The following DSCAM variants were observed in gnomAD, a reference collection of about 807,000 sequenced individuals.
DSCAM encodes the protein DS cell adhesion molecule.
DSCAM carries 47 observed loss-of-function variants against 217.7 expected under a neutral mutation model. The ratio of observed to expected loss-of-function variants is 0.22; its 90% CI spans 0.17 to 0.28. The LOEUF (loss-of-function observed/expected upper bound fraction) is 0.28. DSCAM is among the 10% of genes least tolerant of loss of function. The pLI is 1.00. For synonymous variants in DSCAM, 1,056 were observed against 1,015.3 expected, an observed-to-expected ratio of 1.04 and a Z score of -0.76; for missense variants, 2,080 against 2,618.3, an observed-to-expected ratio of 0.79 and a Z score of 4.49.
chr21:40,366,943 C>G, intron 4 of DSCAM, among the ~76,000 whole-genome samples: 1 of 152,160 alleles, frequency 6.6e-6, no homozygotes, highest in East Asian at 1.9e-4. Flanking sequence ...CTAGGGCCTC[C>G]CCTGGTTCCC....
chr21:40,540,857 G>A (rs1055665070), intron 3 of DSCAM, among the ~76,000 whole-genome samples: 4 of 151,960 alleles, frequency 2.6e-5, no homozygotes, highest in Admixed American at 2.6e-4. Context: ...TTTATTAAAA[G>A]GAATCCCATA....
chr21:40,218,371 T>C (rs1036665999), intron 11 of DSCAM, among the ~76,000 whole-genome samples: 1 of 152,206 alleles, frequency 6.6e-6, no homozygotes, highest in African/African-American at 2.4e-5. Flanking sequence ...TTTGTACCAT[T>C]ACCATGGTAT....
At chr21:40,279,452 G>A (rs1476734491) in intron 10 of DSCAM, among the ~76,000 whole-genome samples, 1 of 152,210 alleles carries the variant, frequency 6.6e-6, no homozygotes, top group Non-Finnish European at 1.5e-5. Context: ...TCACAATGGT[G>A]ATCATTAAAA....
chr21:40,018,671 CAA>C (rs151284220), intron 32 of DSCAM, among the ~76,000 whole-genome samples: 1,890 of 152,278 alleles, frequency 0.012, 17 homozygotes, highest in Middle Eastern at 0.031. Flanking sequence ...TGTTTGAAAT[CAA>C]AAGATAGGAC....
chr21:40,469,808 T>G (rs1370725597), intron 3 of DSCAM, among the ~76,000 whole-genome samples: 1 of 152,252 alleles, frequency 6.6e-6, no homozygotes, highest in Non-Finnish European at 1.5e-5. Context: ...CTCAGTTTTT[T>G]GTTGTTATAA....
chr21:40,152,748 T>C (rs148959775), intron 16 of DSCAM, among the ~76,000 whole-genome samples: 2 of 152,382 alleles, frequency 1.3e-5, no homozygotes, highest in African/African-American at 4.8e-5. Context: ...GCATCATCCT[T>C]TAAAGGGACA....
chr21:40,535,974 T>C (rs12627336), intron 3 of DSCAM, among the ~76,000 whole-genome samples: 15,786 of 152,186 alleles, frequency 0.1, 1,362 homozygotes, highest in East Asian at 0.23. Context: ...GTAAGTGCTG[T>C]GGCCAATTCT....
intron 5 of DSCAM, 51 bp downstream of exon 5, chr21:40,353,414 G>A: frequency 6.3e-7 from 1 of 1,579,934 alleles, no homozygotes; most frequent in Non-Finnish European, 8.5e-7. Context: ...TATAACAGGA[G>A]CTCCATCGAT....
At chr21:40,301,619 A>ACCACAGCCTTTATTACACTCGTCTGG (rs1197261443) in intron 9 of DSCAM, among the ~76,000 whole-genome samples, 85 of 151,674 alleles carry the variant, frequency 5.6e-4, no homozygotes, top group African/African-American at 1.2e-3. Context: ...CTCATCTGGT[A>ACCACAGCCTTTATTACACTCGTCTGG]TTGCTGTTTA....
chr21:40,625,921 A>G (rs2089595073), intron 3 of DSCAM, among the ~76,000 whole-genome samples: 1 of 152,162 alleles, frequency 6.6e-6, no homozygotes, highest in African/African-American at 2.4e-5. Flanking sequence ...ACCTATGTCT[A>G]GCAGGCTCTT....
intron 6 of DSCAM, among the ~76,000 whole-genome samples, chr21:40,344,831 T>C (rs1182619555): frequency 6.6e-6 from 1 of 152,180 alleles, no homozygotes; most frequent in Non-Finnish European, 1.5e-5. Flanking sequence ...AAAACTAAGG[T>C]CATTATCTCT....
chr21:40,136,174 A>G (rs1457200279), intron 18 of DSCAM, among the ~76,000 whole-genome samples: 1 of 152,248 alleles, frequency 6.6e-6, no homozygotes, highest in Non-Finnish European at 1.5e-5. Flanking sequence ...CTGTGTGAGC[A>G]TGTGTGGTCA....
intron 11 of DSCAM, among the ~76,000 whole-genome samples, chr21:40,263,874 C>A (rs951960704): frequency 6.6e-6 from 1 of 152,056 alleles, no homozygotes; most frequent in Non-Finnish European, 1.5e-5. Flanking sequence ...GGAGACATCA[C>A]AACTGACACC....
chr21:40,461,427 G>T (rs2075805162), intron 3 of DSCAM, among the ~76,000 whole-genome samples: 2 of 152,276 alleles, frequency 1.3e-5, no homozygotes, highest in African/African-American at 4.8e-5. Context: ...AATACTGTGA[G>T]GTAGATACTT....
rs367845896 is a variant in DSCAM, at chr21:40,371,175, A to C, written c.509-1930T>G. ...AAATATGCCATAAATAATGCTAGCT[A>C]TTAGAGAAGCTGAAAAATCTCCTAA... On this transcript the variant is annotated intron_variant, in intron 3 of 32. Transcript: ENST00000400454. Among the ~76,000 whole-genome samples, 37 of 152,322 alleles carry C rather than the reference A, an allele frequency of 2.4e-4. No homozygotes were observed. The East Asian group carries it at 6.8e-3, about 28-fold the overall frequency.
At chr21:40,062,742 G>GT (rs2089142455) in intron 28 of DSCAM, 127 bp downstream of exon 28, 47 of 868,454 alleles carry the variant, frequency 5.4e-5, no homozygotes, top group Non-Finnish European at 7.8e-5. Context: ...GGAAATTACA[G>GT]TTTTTTCTAA....
At chr21:40,418,289 T>C (rs2075391108) in intron 3 of DSCAM, among the ~76,000 whole-genome samples, 1 of 152,198 alleles carries the variant, frequency 6.6e-6, no homozygotes, top group African/African-American at 2.4e-5. Context: ...AAGGATTCAG[T>C]GAACGTCCTC....
In DSCAM at chr21:40,465,895, T is replaced by A. The variant is rs952607556; in HGVS notation, c.509-96650A>T. The stretch of plus-strand genomic sequence containing the variant: ...ACACGTTTGGTAAAAAAAAAAAAAA[T>A]ATTTTCAGCAAGGTTGTCAAATCTG... On this transcript the variant is annotated intron_variant, in intron 3 of 32. Coordinates refer to ENST00000400454, the MANE Select transcript of DSCAM (RefSeq NM_001389.5). Among the ~76,000 whole-genome samples the A allele has an allele frequency of 6.2e-5, 9 of 145,288 alleles. 1 individual carries two copies. Among genetic ancestry groups the A allele is most frequent in the South Asian group, 4.4e-4 (2 of 4,546 alleles).
intron 1 of DSCAM, among the ~76,000 whole-genome samples, chr21:40,721,114 C>G (rs75165088): frequency 6.6e-6 from 1 of 152,154 alleles, no homozygotes; most frequent in Admixed American, 6.5e-5. Flanking sequence ...TATCACACAG[C>G]TGCAGGGGAC....
Sources: gnomAD v4.1 joint callset for allele counts (sites outside exome capture counted in the v4.1 genomes callset) on GRCh38, gnomAD v4.1.1 for gene constraint, MANE v1.5 for transcripts, NCBI Gene and HGNC (gene_info 2026-07-23, HGNC 2026-07-21) for gene names.